The following ARHGAP5 variants were observed in gnomAD, a reference collection of about 807,000 sequenced individuals.
The protein encoded by ARHGAP5 is Rho GTPase activating protein 5.
In ARHGAP5, 23 loss-of-function variants were observed where a neutral mutation model predicts 116.6. The observed-to-expected ratio is 0.20, with a 90% CI of 0.14 to 0.28. ARHGAP5 has a LOEUF of 0.28. ARHGAP5 is among the 10% of genes least tolerant of loss of function. ARHGAP5 has a pLI of 1.00. For missense variants in ARHGAP5, 1,405 were observed against 1,774.8 expected (o/e 0.79, Z 3.74); for synonymous variants, 574 against 602.0 (o/e 0.95, Z 0.68).
intron 3 of ARHGAP5, 125 bp downstream of exon 3, chr14:32,117,412 CCAT>C: frequency 1.2e-6 from 1 of 838,902 alleles, no homozygotes; most frequent in Non-Finnish European, 1.7e-6. Context: ...AGTATTAACT[CCAT>C]CTGATCAGGT....
chr14:32,094,231 A>G lies in ARHGAP5; in HGVS notation c.3562A>G (p.Arg1188Gly). The G allele has an allele frequency of 6.2e-7, 1 of 1,613,240 alleles. No individual in the cohort carries two copies. Residue 1188 changes from arginine (R) to glycine (G), a missense_variant, in exon 2 of 7, where the codon AGA becomes GGA. By Grantham distance (125) the Arg-to-Gly change is moderately radical. Transcript: ENST00000345122. ...DEAFTTSKTK[R>G]KGRHRGSEED... ...GGCTTTCACCACTTCTAAAACAAAAAGAAAAGGAAGACATCGTGGAAGTGA... is the reference window on the plus strand; with the variant it reads ...GGCTTTCACCACTTCTAAAACAAAAGGAAAAGGAAGACATCGTGGAAGTGA...
rs992468385 is a variant in ARHGAP5, at chr14:32,159,239, A to C, written c.*4291A>C. 6.6e-6 allele frequency: 1 copy of C among 152,108 alleles called. No individual in the cohort carries two copies. The highest frequency in any genetic ancestry group is 1.5e-5 in the Non-Finnish European group (1 of 67,986). 9.4% of individuals were successfully genotyped at this position (152,108 alleles called of 1,614,324 possible). ...AGTTAGTAGTATTAAGACCTGCAGTATATGCACTTTTTGAGTAGCTGTCAA... is the reference window on the plus strand; with the variant it reads ...AGTTAGTAGTATTAAGACCTGCAGTCTATGCACTTTTTGAGTAGCTGTCAA... On this transcript the variant is annotated 3_prime_UTR_variant, in exon 7 of 7. Transcript: ENST00000345122.
At chr14:32,084,456 A>G (rs988986514) in intron 1 of ARHGAP5, among the ~76,000 whole-genome samples, 2 of 152,138 alleles carry the variant, frequency 1.3e-5, no homozygotes, top group Admixed American at 1.3e-4. Flanking sequence ...AATTTTTGTT[A>G]ATTGTGTTTA....
chr14:32,121,555 T>C (rs1289315840), intron 3 of ARHGAP5, among the ~76,000 whole-genome samples: 1 of 152,210 alleles, frequency 6.6e-6, no homozygotes, highest in African/African-American at 2.4e-5. Flanking sequence ...TTGTTGTCCT[T>C]GTTTTTGAAA....
rs1249252745 is a variant in ARHGAP5, at chr14:32,155,439, T to C, written c.*491T>C. ...AGTTAAGTATTTTATAATTTCAGGC[T>C]ACTGAGGCCATGCTTGGGATGTTGT... On this transcript the variant is annotated 3_prime_UTR_variant, in exon 7 of 7. Coordinates refer to ENST00000345122, the MANE Select transcript of ARHGAP5 (RefSeq NM_001030055.2). The C allele has an allele frequency of 6.5e-6, 1 of 153,308 alleles. No homozygotes were observed. Among genetic ancestry groups the C allele is most frequent in the Non-Finnish European group, 1.5e-5 (1 of 68,504 alleles). The allele number at this position is 153,308 out of a possible 1,614,324, so 9.5% of individuals were successfully genotyped here. A position where few individuals can be genotyped will look rare whatever the true frequency, so the allele number is the denominator to read the frequency against.
intron 1 of ARHGAP5, among the ~76,000 whole-genome samples, chr14:32,079,321 A>G (rs1382652831): frequency 6.6e-6 from 1 of 152,190 alleles, no homozygotes; most frequent in Non-Finnish European, 1.5e-5. Context: ...GAGGTGGGTT[A>G]CACTTTGATG....
chr14:32,140,803 TTAGA>T (rs1400298738), intron 3 of ARHGAP5, among the ~76,000 whole-genome samples: 1 of 152,194 alleles, frequency 6.6e-6, no homozygotes, highest in Non-Finnish European at 1.5e-5. Flanking sequence ...TGTGCTGTTG[TTAGA>T]TAGAGTGTTC....
intron 3 of ARHGAP5, among the ~76,000 whole-genome samples, chr14:32,145,711 G>A (rs1881345061): frequency 6.6e-6 from 1 of 151,878 alleles, no homozygotes; most frequent in Non-Finnish European, 1.5e-5. Flanking sequence ...TTAGATTCAG[G>A]GTTTTTAGCT....
At position 32,150,512 on chromosome 14, in the gene ARHGAP5, T is replaced by C. The variant is rs188125867; in HGVS notation, c.4075+479T>C. ...GGAGGCCTCATCAGGTGAGGGCCTTTTTGCAAAGTCATTCCATGACCGAAG... is the reference window on the plus strand; with the variant it reads ...GGAGGCCTCATCAGGTGAGGGCCTTCTTGCAAAGTCATTCCATGACCGAAG... On this transcript the variant is annotated intron_variant, in intron 5 of 6. Transcript: ENST00000345122. 1.9e-3 allele frequency among the ~76,000 whole-genome samples: 288 copies of C among 152,286 alleles called. 1 individual carries two copies. Among genetic ancestry groups the C allele is most frequent in the African/African-American group, 6.4e-3 (268 of 41,560 alleles).
At chr14:32,078,584 G>A (rs2138989228) in intron 1 of ARHGAP5, among the ~76,000 whole-genome samples, 1 of 152,090 alleles carries the variant, frequency 6.6e-6, no homozygotes, top group South Asian at 2.1e-4. Flanking sequence ...GTATTTACTA[G>A]TACTTGCTTA....
chr14:32,127,037 A>G (rs1237322533), intron 3 of ARHGAP5, among the ~76,000 whole-genome samples: 1 of 146,742 alleles, frequency 6.8e-6, no homozygotes, highest in African/African-American at 2.5e-5. Flanking sequence ...TCACTCTGTC[A>G]CCCAGGCTGG....
At chr14:32,144,331 A>G (rs1881272258) in intron 3 of ARHGAP5, among the ~76,000 whole-genome samples, 1 of 151,928 alleles carries the variant, frequency 6.6e-6, no homozygotes, top group African/African-American at 2.4e-5. Context: ...CTGGCTTTAA[A>G]TTGGGTAATT....
intron 3 of ARHGAP5, among the ~76,000 whole-genome samples, chr14:32,130,472 T>A (rs898110121): frequency 6.6e-6 from 1 of 151,296 alleles, no homozygotes; most frequent in Non-Finnish European, 1.5e-5. Flanking sequence ...TCCTTCCACC[T>A]CGGCCTCCCA....
At chr14:32,114,506 C>G (rs925418055) in intron 2 of ARHGAP5, among the ~76,000 whole-genome samples, 1 of 152,118 alleles carries the variant, frequency 6.6e-6, no homozygotes, top group African/African-American at 2.4e-5. Context: ...GAATAAGGAT[C>G]CACACCACTT....
chr14:32,100,642 A>C (rs1351409156), intron 2 of ARHGAP5, among the ~76,000 whole-genome samples: 1 of 152,232 alleles, frequency 6.6e-6, no homozygotes, highest in Non-Finnish European at 1.5e-5. Context: ...ATTTTATATA[A>C]GGGACTTCAG....
At chr14:32,105,490 A>T (rs1237235565) in intron 2 of ARHGAP5, among the ~76,000 whole-genome samples, 5 of 151,608 alleles carry the variant, frequency 3.3e-5, no homozygotes, top group African/African-American at 1.2e-4. Flanking sequence ...TTTTTTTTTA[A>T]AAAAAAGAGA....
rs186319798 is a variant in ARHGAP5, at chr14:32,126,938, G to T, written c.3865+9651G>T. Among the ~76,000 whole-genome samples, 24 of 150,944 alleles carry T rather than the reference G, an allele frequency of 1.6e-4. No individual in the cohort carries two copies. The East Asian group carries it at 4.5e-3, about 28-fold the overall frequency. On this transcript the variant is annotated intron_variant, in intron 3 of 6. Coordinates refer to ENST00000345122, the MANE Select transcript of ARHGAP5 (RefSeq NM_001030055.2). ...GTGTACACTTACAAATGGTTAAGGT[G>T]GTAAATTTTATGTCATGTGTATTTT...
At chr14:32,121,640 C>T (rs909585456) in intron 3 of ARHGAP5, among the ~76,000 whole-genome samples, 1 of 152,170 alleles carries the variant, frequency 6.6e-6, no homozygotes, top group African/African-American at 2.4e-5. Flanking sequence ...ACAATACACC[C>T]ATTTAAAGTG....
At chr14:32,085,508 TG>T (rs933829817) in intron 1 of ARHGAP5, among the ~76,000 whole-genome samples, 3 of 152,198 alleles carry the variant, frequency 2.0e-5, no homozygotes, top group African/African-American at 7.2e-5. Flanking sequence ...TTCATCTTTT[TG>T]TTGTTGTTTT....
Sources: allele counts gnomAD v4.1 joint callset (sites outside exome capture counted in the v4.1 genomes callset), GRCh38; gene constraint gnomAD v4.1.1; transcripts MANE v1.5; gene names NCBI Gene and HGNC (gene_info 2026-07-23, HGNC 2026-07-21).